Variants in MYOF observed in about 807,000 individuals in gnomAD.
The protein encoded by MYOF is fer-1-like 3, myoferlin.
In MYOF, 244 loss-of-function variants were observed where a neutral mutation model predicts 284.2. The observed-to-expected ratio is 0.86, with a 90% CI of 0.77 to 0.95. The LOEUF is 0.95. Among genes scored for constraint, MYOF ranks in the 40% least tolerant of loss-of-function variants. MYOF has a pLI of 0.00. For missense variants in MYOF, 2,496 were observed against 2,560.6 expected, an observed-to-expected ratio of 0.97 and a Z score of 0.54; for synonymous variants, 904 against 919.7, an observed-to-expected ratio of 0.98 and a Z score of 0.31.
intron 20 of MYOF, 53 bp from the exon 21 acceptor site, chr10:93,380,040 A>G: frequency 5.1e-6 from 8 of 1,580,220 alleles, no homozygotes; most frequent in Non-Finnish European, 6.1e-6. Flanking sequence ...AATAGACAGC[A>G]TGTTTATTAA....
chr10:93,337,622 G>A, intron 40 of MYOF, 193 bp downstream of exon 40: 1 of 544,176 alleles, frequency 1.8e-6, no homozygotes, highest in Non-Finnish European at 3.2e-6. Flanking sequence ...TAACTCAATA[G>A]CTGTCCTCAA....
At chr10:93,395,884 C>G (rs185186842) in intron 16 of MYOF, among the ~76,000 whole-genome samples, 1 of 150,870 alleles carries the variant, frequency 6.6e-6, no homozygotes, top group Non-Finnish European at 1.5e-5. Flanking sequence ...AATCTTCAAA[C>G]TGTAAATTTC....
chr10:93,397,120 C>T (rs978359008), intron 15 of MYOF, 127 bp downstream of exon 15: 5 of 722,394 alleles, frequency 6.9e-6, no homozygotes, highest in African/African-American at 1.9e-5. Context: ...CGCCCAGTTC[C>T]AGGAGCAATT....
intron 4 of MYOF, among the ~76,000 whole-genome samples, chr10:93,427,214 A>AC (rs1554861326): frequency 2.9e-5 from 3 of 103,630 alleles, no homozygotes; most frequent in African/African-American, 1.0e-4. Flanking sequence ...AAACAAAACA[A>AC]AACAAAAAAA....
At chr10:93,388,236 T>A (rs1275895761) in intron 18 of MYOF, among the ~76,000 whole-genome samples, 4 of 48,090 alleles carry the variant, frequency 8.3e-5, no homozygotes, top group South Asian at 1.3e-3. Flanking sequence ...GGGTGGGGGG[T>A]GGATGGGGCT....
At chr10:93,376,994 G>T (rs951469540) in intron 22 of MYOF, among the ~76,000 whole-genome samples, 3 of 152,122 alleles carry the variant, frequency 2.0e-5, no homozygotes, top group African/African-American at 7.2e-5. Flanking sequence ...CCAGGGTGGG[G>T]GTCATTCTTG....
chr10:93,460,805 A>G (rs2056858717), intron 1 of MYOF, among the ~76,000 whole-genome samples: 1 of 150,194 alleles, frequency 6.7e-6, no homozygotes, highest in Non-Finnish European at 1.5e-5. Flanking sequence ...AGAAAAAAAA[A>G]GTGCCACAGG....
At position 93,333,264 on chromosome 10, in the gene MYOF, G is replaced by A. The variant is rs369605584; in HGVS notation, c.4768C>T (p.Arg1590Ter). ...AGAGTGTTGGGAATGTAGTGATCTC[G>A]GTCTTCAATGACTTTTTTGCCCAGT... ...ITLGKKVIED[R>*]DHYIPNTLNP... The change falls in exon 43 of 54, where the codon CGA (arginine) becomes TGA (stop). Residue 1590 changes from arginine to a stop codon, truncating the protein, a stop_gained. Transcript: ENST00000359263. LOFTEE classifies it high-confidence loss of function. 1.4e-5 allele frequency: 23 copies of A among 1,614,022 alleles called. No homozygotes were observed. The highest frequency in any genetic ancestry group is 4.5e-5 in the East Asian group (2 of 44,902).
intron 37 of MYOF, among the ~76,000 whole-genome samples, chr10:93,346,809 A>T (rs1844203817): frequency 6.6e-6 from 1 of 152,134 alleles, no homozygotes. Context: ...TTGCTTTGTG[A>T]GAGGGGAACA....
chr10:93,465,947 G>T (rs1224909788), intron 1 of MYOF, among the ~76,000 whole-genome samples: 2 of 152,190 alleles, frequency 1.3e-5, no homozygotes, highest in East Asian at 3.9e-4. Context: ...CGCCCTGGTG[G>T]AATATTTCTT....
chr10:93,356,589 C>T, intron 30 of MYOF, 86 bp downstream of exon 30: 1 of 1,403,628 alleles, frequency 7.1e-7, no homozygotes. Context: ...TTACAGGGAC[C>T]TCTATGGAGT....
chr10:93,404,183 A>G lies in MYOF; in HGVS notation c.766T>C (p.Leu256=), dbSNP rs1847436265. The change falls in exon 8 of 54, where the codon TTG becomes CTG. Residue 256 remains leucine, a synonymous_variant. Coordinates refer to ENST00000359263, the MANE Select transcript of MYOF (RefSeq NM_013451.4). ...CGGATGCTGATGATCTCATCCATCA[A>G]TTCAGAAGGGGTCATGTTGACATTG... ...FYNVNMTPSE[L]MDEIISIRVY... is the part of the protein sequence containing the mutation. The G allele has an allele frequency of 3.1e-6, 5 of 1,614,096 alleles. No homozygotes were observed. In the African/African-American group the frequency reaches 4.0e-5, roughly 13 times the overall value.
intron 51 of MYOF, among the ~76,000 whole-genome samples, chr10:93,312,155 T>C (rs1842417373): frequency 6.6e-6 from 1 of 152,222 alleles, no homozygotes; most frequent in Non-Finnish European, 1.5e-5. Context: ...TGGTTCAAAA[T>C]TAATGATCAA....
chr10:93,306,808 G>A lies in MYOF; in HGVS notation c.*155C>T. Reference sequence around the variant, plus strand: ...CGTTGCTTGTTGGCCTGACTTTCCAGGACTAAGACCCTCTGGGAATCAATG... The same window carrying A: ...CGTTGCTTGTTGGCCTGACTTTCCAAGACTAAGACCCTCTGGGAATCAATG... On this transcript the variant is annotated 3_prime_UTR_variant, in exon 54 of 54. Transcript: ENST00000359263. The A allele has an allele frequency of 1.3e-6, 1 of 762,506 alleles. No homozygotes were observed. Among genetic ancestry groups the A allele is most frequent in the Non-Finnish European group, 2.2e-6 (1 of 450,136 alleles). 47.2% of individuals were successfully genotyped at this position (762,506 alleles called of 1,614,324 possible). A position where few individuals can be genotyped will look rare whatever the true frequency, so the allele number is the denominator to read the frequency against.
intron 53 of MYOF, among the ~76,000 whole-genome samples, chr10:93,308,952 T>C (rs991017166): frequency 1.3e-5 from 2 of 152,168 alleles, no homozygotes; most frequent in African/African-American, 4.8e-5. Context: ...CCTCAAGTGA[T>C]TCACCCGCCT....
intron 50 of MYOF, among the ~76,000 whole-genome samples, chr10:93,314,872 A>G (rs1842548454): frequency 6.6e-6 from 1 of 152,070 alleles, no homozygotes; most frequent in Non-Finnish European, 1.5e-5. Flanking sequence ...AACATGGCAA[A>G]ACCCTGTCTC....
At chr10:93,355,784 G>T in intron 30 of MYOF, 48 bp from the exon 31 acceptor site, 2 of 1,416,486 alleles carry the variant, frequency 1.4e-6, no homozygotes, top group Non-Finnish European at 9.9e-7. Flanking sequence ...AATAAACACT[G>T]CCTAAAAGCA....
At chr10:93,472,293 T>C (rs1268522741) in intron 1 of MYOF, among the ~76,000 whole-genome samples, 1 of 152,066 alleles carries the variant, frequency 6.6e-6, no homozygotes, top group African/African-American at 2.4e-5. Context: ...TGTGGAGAAA[T>C]TGGAACACTT....
At chr10:93,332,844 TA>T (rs748680482) in intron 43 of MYOF, among the ~76,000 whole-genome samples, 3 of 151,188 alleles carry the variant, frequency 2.0e-5, no homozygotes, top group South Asian at 2.1e-4. Flanking sequence ...GACTCTGTCT[TA>T]AAAAAAAATA....
Sources: allele counts gnomAD v4.1 joint callset (sites outside exome capture counted in the v4.1 genomes callset), GRCh38; gene constraint gnomAD v4.1.1; transcripts MANE v1.5; gene names NCBI Gene and HGNC (gene_info 2026-07-23, HGNC 2026-07-21).